The following SATB2 variants were observed in gnomAD, a reference collection of about 807,000 sequenced individuals.
SATB2 encodes SATB homeobox 2.
Under a neutral mutation model 73.4 loss-of-function variants are expected in SATB2, and 1 was observed. The ratio of observed to expected loss-of-function variants is 0.01; its 90% CI spans 0.00 to 0.06. The LOEUF (loss-of-function observed/expected upper bound fraction) is 0.06. Ranked by LOEUF, SATB2 falls within the 10% of genes least tolerant of loss-of-function variation. The pLI is 1.00. For synonymous variants in SATB2, 397 were observed against 367.0 expected (o/e 1.08, Z -0.93); for missense variants, 459 against 945.8 (o/e 0.49, Z 6.75).
chr2:199,440,920 G>A (rs77819386), intron 2 of SATB2, among the ~76,000 whole-genome samples: 3 of 150,486 alleles, frequency 2.0e-5, no homozygotes, highest in South Asian at 2.1e-4. Flanking sequence ...GTGCAATCTC[G>A]ACTCACTGCA....
At position 199,417,808 on chromosome 2, in the gene SATB2, G is replaced by T. The variant is rs562684173; in HGVS notation, c.346+15530C>A. On this transcript the variant is annotated intron_variant, in intron 3 of 10. Transcript: ENST00000417098. Reference sequence around the variant, plus strand: ...CTGAAGAAAAGGGGAAAGAAGCAATGTAGTGCAGAACAACTTATCCACAAA... The same window carrying T: ...CTGAAGAAAAGGGGAAAGAAGCAATTTAGTGCAGAACAACTTATCCACAAA... Among the ~76,000 whole-genome samples the T allele has an allele frequency of 7.9e-5, 12 of 152,296 alleles. No individual in the cohort carries two copies. The East Asian group carries it at 2.3e-3, about 29-fold the overall frequency.
chr2:199,310,161 G>A (rs549931764), intron 9 of SATB2, among the ~76,000 whole-genome samples: 9 of 152,122 alleles, frequency 5.9e-5, no homozygotes, highest in East Asian at 1.9e-4. Context: ...CTGCAGCACC[G>A]CGAAGAGACA....
At chr2:199,385,372 G>C (rs140260334) in intron 3 of SATB2, among the ~76,000 whole-genome samples, 2 of 152,056 alleles carry the variant, frequency 1.3e-5, no homozygotes, top group Non-Finnish European at 2.9e-5. Context: ...GGGCTCAAGC[G>C]ATCTATCTGC....
intron 5 of SATB2, among the ~76,000 whole-genome samples, chr2:199,376,469 T>C (rs1287692857): frequency 1.3e-5 from 2 of 152,220 alleles, no homozygotes; most frequent in Non-Finnish European, 2.9e-5. Flanking sequence ...GGAGACATTT[T>C]GGTTGTCACA....
Position 199,455,754 on chromosome 2 carries a change from G to A in SATB2, c.169+115C>T. On this transcript the variant is annotated intron_variant, in intron 2 of 10. Coordinates refer to ENST00000417098, the MANE Select transcript of SATB2 (RefSeq NM_001172509.2). The surrounding 1 kb of genome is among the most constrained non-coding windows in gnomAD (Gnocchi z 4.1). ...CGACGGGGGCATTATTTGGCAACCTGGAATTCACTTCCTGTAATCCTACAC... is the reference window on the plus strand; with the variant it reads ...CGACGGGGGCATTATTTGGCAACCTAGAATTCACTTCCTGTAATCCTACAC... 8.3e-7 allele frequency: 1 copy of A among 1,210,322 alleles called. No individual in the cohort carries two copies. The highest frequency in any genetic ancestry group is 1.2e-6 in the Non-Finnish European group (1 of 858,470). The allele number at this position is 1,210,322 out of a possible 1,614,324, so 75.0% of individuals were successfully genotyped here.
chr2:199,380,523 C>T, intron 4 of SATB2, 36 bp from the exon 5 acceptor site: 2 of 1,605,108 alleles, frequency 1.2e-6, no homozygotes, highest in Non-Finnish European at 1.7e-6. Context: ...ATACACAAAC[C>T]TCAACCAGGG....
At chr2:199,317,548 G>A (rs1687769952) in intron 9 of SATB2, among the ~76,000 whole-genome samples, 1 of 152,136 alleles carries the variant, frequency 6.6e-6, no homozygotes, top group Non-Finnish European at 1.5e-5. Flanking sequence ...TAAGTTAAAA[G>A]TATTTGACAT....
In SATB2 at chr2:199,463,499, C is replaced by T. The variant is rs184763699; in HGVS notation, c.-141+1337G>A. Reference sequence around the variant, plus strand: ...CGAGGCCTCGGCTTGGCGTCAATGTCCCGCCACCCTCGAGCCCGGGTCACT... The same window carrying T: ...CGAGGCCTCGGCTTGGCGTCAATGTTCCGCCACCCTCGAGCCCGGGTCACT... On this transcript the variant is annotated intron_variant, in intron 1 of 11. Transcript: ENST00000260926. The surrounding 1 kb of genome is among the most constrained non-coding windows in gnomAD (Gnocchi z 6.4). Among the ~76,000 whole-genome samples the T allele has an allele frequency of 3.7e-3, 557 of 152,300 alleles. 3 individuals are homozygous for T. Among genetic ancestry groups the T allele is most frequent in the African/African-American group, 0.013 (527 of 41,564 alleles).
chr2:199,368,836 C>T, intron 5 of SATB2, 129 bp from the exon 6 acceptor site: 3 of 620,016 alleles, frequency 4.8e-6, no homozygotes, highest in South Asian at 1.9e-5. Context: ...CTCCTGTAAA[C>T]TGAACTATTA....
intron 9 of SATB2, among the ~76,000 whole-genome samples, chr2:199,314,645 T>C (rs752800983): frequency 6.6e-6 from 1 of 152,104 alleles, no homozygotes; most frequent in Non-Finnish European, 1.5e-5. Context: ...ATTCTGACCA[T>C]GAAGCAGTTC....
intron 6 of SATB2, among the ~76,000 whole-genome samples, chr2:199,366,318 T>C (rs1689281802): frequency 6.6e-6 from 1 of 152,004 alleles, no homozygotes; most frequent in African/African-American, 2.4e-5. Context: ...CTCTTACAAA[T>C]CAAATCATTA....
At chr2:199,444,731 C>G (rs561878901) in intron 2 of SATB2, among the ~76,000 whole-genome samples, 1 of 152,094 alleles carries the variant, frequency 6.6e-6, no homozygotes. Flanking sequence ...TGGGTGAACT[C>G]GAGTATCACC....
intron 8 of SATB2, chr2:199,325,349 G>C (rs905159824): frequency 6.6e-6 from 1 of 151,922 alleles, no homozygotes; most frequent in Non-Finnish European, 1.5e-5. Flanking sequence ...CTTAACCTAG[G>C]ACACCCAGCA....
intron 7 of SATB2, among the ~76,000 whole-genome samples, chr2:199,340,458 C>T (rs755170338): frequency 6.6e-6 from 1 of 152,106 alleles, no homozygotes; most frequent in Non-Finnish European, 1.5e-5. Flanking sequence ...CTTACTGTTA[C>T]AAAAGAATAG....
intron 7 of SATB2, among the ~76,000 whole-genome samples, chr2:199,335,973 C>G (rs911924924): frequency 6.6e-6 from 1 of 152,188 alleles, no homozygotes; most frequent in Non-Finnish European, 1.5e-5. Context: ...GAAGCCAAAA[C>G]AGTCTGTGTT....
intron 10 of SATB2, among the ~76,000 whole-genome samples, chr2:199,300,608 A>C (rs1472949204): frequency 6.6e-6 from 1 of 152,104 alleles, no homozygotes. Flanking sequence ...TTTTGTACCG[A>C]TATAAATGAC....
rs759347379 is a variant in SATB2 at position 199,445,156 on chromosome 2, C to T, written c.169+10713G>A. ...ATTTCAGTCCTACAAATATCAAACA[C>T]AAACCTACAACAGTCCCGTTATGGA... On this transcript the variant is annotated intron_variant, in intron 2 of 10. Transcript: ENST00000417098. Among the ~76,000 whole-genome samples, 118 of 152,198 alleles carry T rather than the reference C, an allele frequency of 7.8e-4. 1 individual carries two copies. Among genetic ancestry groups the T allele is most frequent in the Non-Finnish European group, 1.1e-3 (77 of 68,036 alleles).
chr2:199,381,252 T>C (rs1477720255), intron 4 of SATB2, among the ~76,000 whole-genome samples: 1 of 152,098 alleles, frequency 6.6e-6, no homozygotes, highest in Non-Finnish European at 1.5e-5. Context: ...AAGAAAAAGA[T>C]CTCCTATGTC....
chr2:199,337,476 T>A (rs1688368662), intron 7 of SATB2, among the ~76,000 whole-genome samples: 1 of 152,160 alleles, frequency 6.6e-6, no homozygotes, highest in African/African-American at 2.4e-5. Context: ...AGTACCAAAG[T>A]GTTTAATACA....
Sources: gnomAD v4.1 joint callset for allele counts (sites outside exome capture counted in the v4.1 genomes callset) on GRCh38, gnomAD v4.1.1 for gene constraint, Gnocchi (gnomAD v3.1) non-coding constraint, MANE v1.5 for transcripts, NCBI Gene and HGNC (gene_info 2026-07-23, HGNC 2026-07-21) for gene names.